The following SPTBN1 variants were observed in gnomAD, a reference collection of about 807,000 sequenced individuals.
The protein encoded by SPTBN1 is spectrin beta, non-erythrocytic 1, also known as spectrin beta chain, non-erythrocytic 1.
Under a neutral mutation model 266.4 loss-of-function variants are expected in SPTBN1, and 32 were observed. The observed-to-expected ratio is 0.12, with a 90% CI of 0.09 to 0.16. SPTBN1 has a LOEUF of 0.16. Ranked by LOEUF, SPTBN1 falls within the 10% of genes least tolerant of loss-of-function variation. SPTBN1 has a pLI of 1.00. For synonymous variants in SPTBN1, 1,336 were observed against 1,162.2 expected (o/e 1.15, Z -3.04); for missense variants, 2,296 against 3,067.1 (o/e 0.75, Z 5.94).
In SPTBN1 at chr2:54,526,380, G is replaced by A. The variant is rs201234123; in HGVS notation, c.-39G>A. The A allele has an allele frequency of 1.2e-6, 2 of 1,609,290 alleles. No homozygotes were observed. The highest frequency in any genetic ancestry group is 1.7e-6 in the Non-Finnish European group (2 of 1,177,540). ...CCTTTTCTTTCTCATAGAACTCTAAGAAGGAGCTGATGTGGAGGAGCAGCT... is the reference window on the plus strand; with the variant it reads ...CCTTTTCTTTCTCATAGAACTCTAAAAAGGAGCTGATGTGGAGGAGCAGCT... On this transcript the variant is annotated 5_prime_UTR_variant, in exon 2 of 36. Coordinates refer to ENST00000356805, the MANE Select transcript of SPTBN1 (RefSeq NM_003128.3).
At chr2:54,578,657 C>A (rs1674657456) in intron 2 of SPTBN1, among the ~76,000 whole-genome samples, 1 of 152,080 alleles carries the variant, frequency 6.6e-6, no homozygotes, top group African/African-American at 2.4e-5. Flanking sequence ...CTATATTTGG[C>A]ATCAGTGAGG....
intron 2 of SPTBN1, among the ~76,000 whole-genome samples, chr2:54,556,672 GGT>G (rs370878173): frequency 5.9e-5 from 9 of 151,456 alleles, no homozygotes; most frequent in South Asian, 2.1e-4. Context: ...GTCTTGATGT[GGT>G]GTGTGTGTGT....
At position 54,618,189 on chromosome 2, in the gene SPTBN1, C is replaced by G. The variant is rs749586335; in HGVS notation, c.759C>G (p.Pro253=). Residue 253 remains proline, a synonymous_variant, in exon 7 of 36, where the codon CCC becomes CCG. Coordinates refer to ENST00000356805, the MANE Select transcript of SPTBN1 (RefSeq NM_003128.3). ...QHLGLTKLLD[P]EDISVDHPDE... The stretch of plus-strand genomic sequence containing the variant: ...TCGGCCTCACTAAACTGTTGGACCC[C>G]GAAGGTAGGGACTCAAGGGATTACA... The G allele has an allele frequency of 6.2e-7, 1 of 1,613,594 alleles. No homozygotes were observed. Among genetic ancestry groups the G allele is most frequent in the East Asian group, 2.2e-5 (1 of 44,880 alleles).
Position 54,628,786 on chromosome 2 carries a change from C to A in SPTBN1, c.1799-147C>A. On this transcript the variant is annotated intron_variant, in intron 13 of 35. Transcript: ENST00000356805. The surrounding 1 kb of genome is among the most constrained non-coding windows in gnomAD (Gnocchi z 4.3). ...CTAGTCAAGTTGTTAGAAGGTGCTC[C>A]ATTGCCTTATCGCATGGCCCTGCAT... The A allele has an allele frequency of 1.9e-6, 2 of 1,060,898 alleles. No homozygotes were observed. The highest frequency in any genetic ancestry group is 2.6e-6 in the Non-Finnish European group (2 of 758,838). 65.7% of individuals were successfully genotyped at this position (1,060,898 alleles called of 1,614,324 possible).
At chr2:54,621,337 C>T in intron 7 of SPTBN1, 63 bp from the exon 8 acceptor site, 3 of 1,268,594 alleles carry the variant, frequency 2.4e-6, no homozygotes, top group Non-Finnish European at 3.4e-6. Flanking sequence ...GCATTTGTTC[C>T]TGCTACCTGG....
chr2:54,626,376 C>T lies in SPTBN1; in HGVS notation c.1644+142C>T, dbSNP rs1331494493. 3 of 1,094,634 alleles carry T rather than the reference C, an allele frequency of 2.7e-6. No homozygotes were observed. Among genetic ancestry groups the T allele is most frequent in the Non-Finnish European group, 3.9e-6 (3 of 777,824 alleles). The allele number at this position is 1,094,634 out of a possible 1,614,324, so 67.8% of individuals were successfully genotyped here. A position where few individuals can be genotyped will look rare whatever the true frequency, so the allele number is the denominator to read the frequency against. On this transcript the variant is annotated intron_variant, in intron 12 of 35. Coordinates refer to ENST00000356805, the MANE Select transcript of SPTBN1 (RefSeq NM_003128.3). This position sits in a 1 kb window ranked among gnomAD's most constrained non-coding sequence, Gnocchi z 4.7. ...TACAGCTAGAGAGGAGCCACATCAC[C>T]CATGGGAAGATTGCTAGCTCAGGAA...
intron 17 of SPTBN1, among the ~76,000 whole-genome samples, chr2:54,636,961 G>C (rs766790374): frequency 7.2e-5 from 11 of 152,218 alleles, no homozygotes; most frequent in Non-Finnish European, 1.5e-4. Flanking sequence ...CTATTTCTCA[G>C]TTTCCAGTCT....
chr2:54,663,211 TACC>T (rs1681167831), intron 32 of SPTBN1: 1 of 152,386 alleles, frequency 6.6e-6, no homozygotes, highest in African/African-American at 2.4e-5. Context: ...GTGGCCAGTC[TACC>T]GTTTATCTTG....
intron 1 of SPTBN1, among the ~76,000 whole-genome samples, chr2:54,514,851 A>G (rs943719340): frequency 1.1e-4 from 16 of 152,208 alleles, no homozygotes; most frequent in Non-Finnish European, 2.4e-4. Flanking sequence ...GCTTAGGCCA[A>G]ACTAACTTTG....
chr2:54,569,431 G>A (rs956427308), intron 2 of SPTBN1, among the ~76,000 whole-genome samples: 2 of 152,122 alleles, frequency 1.3e-5, no homozygotes, highest in Non-Finnish European at 2.9e-5. Context: ...AAAAGTGAAA[G>A]AATAGTTCAC....
intron 1 of SPTBN1, chr2:54,515,821 C>G (rs1670081772): frequency 6.6e-6 from 1 of 152,198 alleles, no homozygotes; most frequent in South Asian, 2.1e-4. Flanking sequence ...GCCCCCTCGC[C>G]CAGTGTGACC....
At chr2:54,586,161 A>G (rs1675276117) in intron 2 of SPTBN1, among the ~76,000 whole-genome samples, 1 of 151,956 alleles carries the variant, frequency 6.6e-6, no homozygotes, top group Non-Finnish European at 1.5e-5. Flanking sequence ...ACTTTACCCC[A>G]CTCCTCCCCA....
intron 2 of SPTBN1, among the ~76,000 whole-genome samples, chr2:54,582,893 T>C (rs577636661): frequency 1.3e-5 from 2 of 152,338 alleles, no homozygotes; most frequent in Admixed American, 6.5e-5. Flanking sequence ...TTTGCTCTTA[T>C]ACAAAATATG....
intron 26 of SPTBN1, chr2:54,652,766 C>T (rs182542847): frequency 1.3e-5 from 2 of 152,334 alleles, no homozygotes; most frequent in South Asian, 2.1e-4. Flanking sequence ...ATAGATGACA[C>T]ATTACAGTAT....
chr2:54,471,243 A>T (rs928596474), intron 1 of SPTBN1, among the ~76,000 whole-genome samples: 1 of 152,158 alleles, frequency 6.6e-6, no homozygotes, highest in African/African-American at 2.4e-5. Flanking sequence ...AAAGAACAGA[A>T]TGTAGGCAGT....
chr2:54,477,763 T>C (rs950978948), intron 1 of SPTBN1, among the ~76,000 whole-genome samples: 1 of 152,054 alleles, frequency 6.6e-6, no homozygotes. Context: ...AATGCAAAAA[T>C]TAGCTGGCAT....
chr2:54,479,820 C>T (rs1401317024), intron 1 of SPTBN1, among the ~76,000 whole-genome samples: 3 of 151,666 alleles, frequency 2.0e-5, no homozygotes, highest in Admixed American at 1.3e-4. Flanking sequence ...GTATTCAGTT[C>T]GCTTTCTATT....
chr2:54,475,232 A>G (rs1667766945), intron 1 of SPTBN1, among the ~76,000 whole-genome samples: 2 of 152,102 alleles, frequency 1.3e-5, no homozygotes, highest in East Asian at 3.9e-4. Context: ...AAGTGGATGT[A>G]TCCCTTGCAA....
At chr2:54,650,399 C>G (rs1467733133) in intron 26 of SPTBN1, among the ~76,000 whole-genome samples, 1 of 152,200 alleles carries the variant, frequency 6.6e-6, no homozygotes, top group Non-Finnish European at 1.5e-5. Flanking sequence ...TTTTATCATG[C>G]CTCGTCCCCA....
Sources: gnomAD v4.1 joint callset for allele counts (sites outside exome capture counted in the v4.1 genomes callset) on GRCh38, gnomAD v4.1.1 for gene constraint, Gnocchi (gnomAD v3.1) non-coding constraint, MANE v1.5 for transcripts, NCBI Gene and HGNC (gene_info 2026-07-23, HGNC 2026-07-21) for gene names.